Variants in LY6S observed in about 807,000 individuals in gnomAD.
The protein encoded by LY6S is lymphocyte antigen 6S.
At chr8:143,045,893 A>G in the LY6S span, among the ~76,000 whole-genome samples, 1 of 150,740 alleles carries the variant, frequency 6.6e-6, no homozygotes, top group Non-Finnish European at 1.5e-5. The surrounding 1 kb of genome is among the most constrained non-coding windows in gnomAD (Gnocchi z 5.3). Flanking sequence ...TCTCACTGTT[A>G]CCCAAGCTGG....
At chr8:143,064,396 T>C in the LY6S span, among the ~76,000 whole-genome samples, 1 of 152,256 alleles carries the variant, frequency 6.6e-6, no homozygotes, top group Non-Finnish European at 1.5e-5. Flanking sequence ...TGAAACCTTA[T>C]ATCCACAGGT....
At chr8:143,056,671 G>T in the LY6S span, among the ~76,000 whole-genome samples, 1 of 152,050 alleles carries the variant, frequency 6.6e-6, no homozygotes, top group African/African-American at 2.4e-5. Context: ...AAAAATTTCT[G>T]ATTACATATT....
At chr8:143,044,355 T>C in the LY6S span, 2 of 405,766 alleles carry the variant, frequency 4.9e-6, no homozygotes, top group Non-Finnish European at 9.9e-6. Flanking sequence ...TGCTGGGCAC[T>C]GGGAGGGGCT....
At chr8:143,064,527 A>G in the LY6S span, among the ~76,000 whole-genome samples, 1 of 152,180 alleles carries the variant, frequency 6.6e-6, no homozygotes, top group African/African-American at 2.4e-5. Context: ...AGCTCCTCAA[A>G]TCTTGAGCCA....
chr8:143,042,959 G>A, the LY6S span: 9 of 1,335,642 alleles, frequency 6.7e-6, no homozygotes, highest in Non-Finnish European at 8.0e-6. Flanking sequence ...CCCTGACAGG[G>A]AAGCCCCGAC....
At chr8:143,050,386 G>T in the LY6S span, among the ~76,000 whole-genome samples, 1 of 152,008 alleles carries the variant, frequency 6.6e-6, no homozygotes, top group Non-Finnish European at 1.5e-5. Flanking sequence ...TCACCATGCT[G>T]GCCAAGGTGG....
the LY6S span, chr8:143,042,964 C>G: frequency 1.1e-4 from 144 of 1,345,902 alleles, no homozygotes; most frequent in Non-Finnish European, 1.4e-4. Flanking sequence ...ACAGGGAAGC[C>G]CCGACCTCTG....
the LY6S span, among the ~76,000 whole-genome samples, chr8:143,050,451 G>A: frequency 6.6e-6 from 1 of 152,158 alleles, no homozygotes; most frequent in Admixed American, 6.5e-5. Flanking sequence ...AAAGTGCTGG[G>A]ATTACAGGAG....
chr8:143,068,984 G>A, the LY6S span, among the ~76,000 whole-genome samples: 1 of 152,154 alleles, frequency 6.6e-6, no homozygotes, highest in Non-Finnish European at 1.5e-5. Flanking sequence ...AACGAAAGTT[G>A]ACCCATGGTG....
chr8:143,046,629 C>T, the LY6S span, among the ~76,000 whole-genome samples: 1 of 151,364 alleles, frequency 6.6e-6, no homozygotes, highest in Admixed American at 6.6e-5. Context: ...CTCCATCTTG[C>T]TTTCTAATCT....
At chr8:143,062,440 G>A in the LY6S span, among the ~76,000 whole-genome samples, 1 of 152,200 alleles carries the variant, frequency 6.6e-6, no homozygotes. Flanking sequence ...GGCCAAGGCG[G>A]GTGGATCATG....
chr8:143,051,977 AAAAAAAG>A, the LY6S span, among the ~76,000 whole-genome samples: 1 of 148,252 alleles, frequency 6.7e-6, no homozygotes, highest in African/African-American at 2.5e-5. Flanking sequence ...GTCTCAAAAA[AAAAAAAG>A]AAAAGAAAAG....
chr8:143,059,423 C>T, the LY6S span, among the ~76,000 whole-genome samples: 2 of 151,900 alleles, frequency 1.3e-5, no homozygotes, highest in South Asian at 4.2e-4. Flanking sequence ...ACAAATATTC[C>T]ATTGATCCAG....
chr8:143,075,856 CTTCTTT>C, the LY6S span, among the ~76,000 whole-genome samples: 1 of 152,056 alleles, frequency 6.6e-6, no homozygotes, highest in Non-Finnish European at 1.5e-5. The surrounding 1 kb of genome is among the most constrained non-coding windows in gnomAD (Gnocchi z 4.1). Flanking sequence ...AATATGACTT[CTTCTTT>C]AACTGTGGTT....
the LY6S span, among the ~76,000 whole-genome samples, chr8:143,071,307 G>A: frequency 6.6e-6 from 1 of 152,208 alleles, no homozygotes; most frequent in Non-Finnish European, 1.5e-5. Context: ...TGTGGTCAGA[G>A]GGCTATGGGA....
At chr8:143,044,602 C>A in the LY6S span, 5 of 1,248,848 alleles carry the variant, frequency 4.0e-6, no homozygotes, top group East Asian at 5.5e-5. Flanking sequence ...TGTAGGGGGA[C>A]CTTGGTCCAT....
At chr8:143,061,585 C>T in the LY6S span, among the ~76,000 whole-genome samples, 2 of 152,166 alleles carry the variant, frequency 1.3e-5, no homozygotes, top group Non-Finnish European at 2.9e-5. Context: ...GCTCCTGTTG[C>T]CCAGACTAGA....
chr8:143,068,112 A>G, the LY6S span, among the ~76,000 whole-genome samples: 1 of 152,108 alleles, frequency 6.6e-6, no homozygotes, highest in South Asian at 2.1e-4. Context: ...AGTGGGGGGA[A>G]ACCTTGGTCA....
the LY6S span, among the ~76,000 whole-genome samples, chr8:143,055,596 C>T: frequency 2.0e-5 from 3 of 151,982 alleles, no homozygotes; most frequent in East Asian, 1.9e-4. Context: ...CCCCAAAATA[C>T]GTAAGAACCA....
Sources: allele counts gnomAD v4.1 joint callset (sites outside exome capture counted in the v4.1 genomes callset), GRCh38; gene constraint gnomAD v4.1.1; non-coding constraint Gnocchi (gnomAD v3.1); transcripts MANE v1.5; gene names NCBI Gene and HGNC (gene_info 2026-07-23, HGNC 2026-07-21).